The following SMPD3 variants were observed in gnomAD, a reference collection of about 807,000 sequenced individuals.
The protein encoded by SMPD3 is sphingomyelin phosphodiesterase 3.
SMPD3 carries 21 observed loss-of-function variants against 55.7 expected under a neutral mutation model. That is an observed-to-expected ratio of 0.38 (90% confidence interval 0.27 to 0.54). The LOEUF (loss-of-function observed/expected upper bound fraction) is 0.54, where lower values mean the gene tolerates loss of function less well. Among genes scored for constraint, SMPD3 ranks in the 20% least tolerant of loss-of-function variants. SMPD3 has a pLI of 0.80. For missense variants in SMPD3, 842 were observed against 899.6 expected, an observed-to-expected ratio of 0.94 and a Z score of 0.82; for synonymous variants, 457 against 404.3, an observed-to-expected ratio of 1.13 and a Z score of -1.56.
intron 1 of SMPD3, among the ~76,000 whole-genome samples, chr16:68,399,142 T>C (rs1364344): frequency 0.67 from 101,414 of 152,104 alleles, 36,406 homozygotes; most frequent in Non-Finnish European, 0.8. Flanking sequence ...GTTCTCAGAC[T>C]CTCATTCAAA....
In SMPD3 at chr16:68,447,834, G is replaced by A. The variant is rs1367929559; in HGVS notation, c.-269+519C>T. Among the ~76,000 whole-genome samples, 1 of 152,114 alleles carries A rather than the reference G, an allele frequency of 6.6e-6. No individual in the cohort carries two copies. The highest frequency in any genetic ancestry group is 6.5e-5 in the Admixed American group (1 of 15,274). On this transcript the variant is annotated intron_variant, in intron 1 of 8. Coordinates refer to ENST00000219334, the MANE Select transcript of SMPD3 (RefSeq NM_018667.4). The surrounding 1 kb of genome is among the most constrained non-coding windows in gnomAD (Gnocchi z 5.1). Reference sequence around the variant, plus strand: ...GGGAGGGGGGCGAGTGTGGAGGAAGGGGCCTGGGCAAGGGTCTTCCCTGCA... The same window carrying A: ...GGGAGGGGGGCGAGTGTGGAGGAAGAGGCCTGGGCAAGGGTCTTCCCTGCA...
chr16:68,426,672 A>C (rs561839980), intron 1 of SMPD3, among the ~76,000 whole-genome samples: 12 of 152,356 alleles, frequency 7.9e-5, no homozygotes, highest in Middle Eastern at 3.4e-3. Context: ...TCAAGAGGCC[A>C]AGGGATAGAT....
chr16:68,370,522 G>A (rs11075673), intron 3 of SMPD3, among the ~76,000 whole-genome samples: 84,335 of 151,856 alleles, frequency 0.56, 23,805 homozygotes, highest in East Asian at 0.79. Flanking sequence ...GCGCCAGCTC[G>A]GAACCCTTCC....
intron 1 of SMPD3, among the ~76,000 whole-genome samples, chr16:68,429,428 G>A (rs1330324779): frequency 6.6e-6 from 1 of 152,214 alleles, no homozygotes; most frequent in Non-Finnish European, 1.5e-5. Context: ...TTGGTGCTGG[G>A]CTGGATTTCC....
intron 1 of SMPD3, among the ~76,000 whole-genome samples, chr16:68,411,795 G>A (rs1025064736): frequency 6.6e-6 from 1 of 152,222 alleles, no homozygotes; most frequent in African/African-American, 2.4e-5. Context: ...GGAAGTGGCT[G>A]TGACACCTTG....
intron 1 of SMPD3, among the ~76,000 whole-genome samples, chr16:68,429,456 G>T (rs950085480): frequency 6.6e-6 from 1 of 152,228 alleles, no homozygotes; most frequent in East Asian, 1.9e-4. Flanking sequence ...GATCTGGGTA[G>T]GTTTGGGGGC....
In SMPD3 at chr16:68,371,296, AG is replaced by A; in HGVS notation, c.885del (p.Ser296ArgfsTer8). The stretch of plus-strand genomic sequence containing the variant: ...TTCACCAGGGACTCCCGGGAGGCCG[AG>A]GGGCTGCCCAGGCTCCCTGAATCCC... ...QDGDSGSLGSPSASRESLVKG... is the reference protein window; with the variant it reads ...QDGDSGSLGSXSASRESLVKG... On this transcript the variant is annotated frameshift_variant, in exon 3 of 9. Transcript: ENST00000219334. LOFTEE classifies it high-confidence loss of function. 1 of 1,602,318 alleles carries A rather than the reference AG, an allele frequency of 6.2e-7. No individual in the cohort carries two copies.
chr16:68,392,379 A>T (rs1262247997), intron 1 of SMPD3, among the ~76,000 whole-genome samples: 1 of 152,172 alleles, frequency 6.6e-6, no homozygotes, highest in Non-Finnish European at 1.5e-5. Context: ...AACATGTTTA[A>T]TGTAGGCTAG....
At chr16:68,443,662 A>G (rs1018936231) in intron 1 of SMPD3, among the ~76,000 whole-genome samples, 6 of 152,212 alleles carry the variant, frequency 3.9e-5, no homozygotes, top group Non-Finnish European at 1.5e-5. Context: ...AACCAAGTTC[A>G]GTTAACAAAG....
chr16:68,426,093 C>T (rs915452083), intron 1 of SMPD3, among the ~76,000 whole-genome samples: 5 of 152,160 alleles, frequency 3.3e-5, no homozygotes, highest in Admixed American at 3.3e-4. Context: ...AATAGAGGCT[C>T]TATTTTAGCC....
intron 1 of SMPD3, among the ~76,000 whole-genome samples, chr16:68,394,529 C>T (rs1232831645): frequency 6.6e-6 from 1 of 152,180 alleles, no homozygotes; most frequent in Non-Finnish European, 1.5e-5. Flanking sequence ...CAGATTCCAT[C>T]ATTTAAAAAA....
chr16:68,372,467 A>T (rs1057212144), intron 2 of SMPD3, 80 bp from the exon 3 acceptor site: 10 of 492,376 alleles, frequency 2.0e-5, no homozygotes, highest in Non-Finnish European at 3.3e-5. Context: ...GCCCCAGCTC[A>T]TCCCACTCCT....
chr16:68,384,194 C>G (rs898719986), intron 2 of SMPD3, among the ~76,000 whole-genome samples: 6 of 152,242 alleles, frequency 3.9e-5, no homozygotes, highest in Non-Finnish European at 8.8e-5. Flanking sequence ...CCCACTGTGC[C>G]CTTCCAGGCC....
At chr16:68,366,082 G>A (rs893637962) in intron 3 of SMPD3, among the ~76,000 whole-genome samples, 3 of 152,184 alleles carry the variant, frequency 2.0e-5, no homozygotes. Context: ...AGTTTCCCAA[G>A]ATGAGGAGAC....
chr16:68,439,195 T>C (rs2090548041), intron 1 of SMPD3, among the ~76,000 whole-genome samples: 1 of 152,122 alleles, frequency 6.6e-6, no homozygotes, highest in Non-Finnish European at 1.5e-5. Context: ...CATTTGATGG[T>C]AAAAATGTGA....
At chr16:68,361,982 G>T (rs1054965063) in intron 7 of SMPD3, among the ~76,000 whole-genome samples, 4 of 152,188 alleles carry the variant, frequency 2.6e-5, no homozygotes, top group Admixed American at 6.5e-5. Context: ...GGAGCCCGTC[G>T]AAGTGTTCTG....
chr16:68,372,444 A>T, intron 2 of SMPD3, 57 bp from the exon 3 acceptor site: 1 of 532,950 alleles, frequency 1.9e-6, no homozygotes, highest in Non-Finnish European at 3.4e-6. Flanking sequence ...AGTGGGTCAG[A>T]TATGGGGCCT....
chr16:68,412,823 G>T (rs1376673480), intron 1 of SMPD3, among the ~76,000 whole-genome samples: 2 of 152,326 alleles, frequency 1.3e-5, no homozygotes, highest in South Asian at 2.1e-4. Context: ...GCTTAGGAAG[G>T]CAGGGTAGTG....
At chr16:68,397,713 G>C (rs2090170925) in intron 1 of SMPD3, among the ~76,000 whole-genome samples, 1 of 152,168 alleles carries the variant, frequency 6.6e-6, no homozygotes. Flanking sequence ...CCTTTCCCTA[G>C]CCTGGAATTC....
Sources: allele counts gnomAD v4.1 joint callset (sites outside exome capture counted in the v4.1 genomes callset), GRCh38; gene constraint gnomAD v4.1.1; non-coding constraint Gnocchi (gnomAD v3.1); transcripts MANE v1.5; gene names NCBI Gene and HGNC (gene_info 2026-07-23, HGNC 2026-07-21).